Variants in TMEM132D observed in about 807,000 individuals in gnomAD.
The protein encoded by TMEM132D is mature OL transmembrane protein.
Under a neutral mutation model 62.3 loss-of-function variants are expected in TMEM132D, and 21 were observed. The ratio of observed to expected loss-of-function variants is 0.34; its 90% CI spans 0.24 to 0.49. The LOEUF (loss-of-function observed/expected upper bound fraction) is 0.49, where lower values mean the gene tolerates loss of function less well. Ranked by LOEUF, TMEM132D falls within the 20% of genes least tolerant of loss-of-function variation. The pLI is 0.99. For missense variants in TMEM132D, 1,346 were observed against 1,402.8 expected, an observed-to-expected ratio of 0.96 and a Z score of 0.65; for synonymous variants, 621 against 575.6, an observed-to-expected ratio of 1.08 and a Z score of -1.13.
At chr12:129,605,604 T>TACAC (rs1555221323) in intron 2 of TMEM132D, among the ~76,000 whole-genome samples, 21 of 106,260 alleles carry the variant, frequency 2.0e-4, no homozygotes, top group African/African-American at 6.2e-4. Flanking sequence ...TATATATATA[T>TACAC]ACACACACAT....
intron 3 of TMEM132D, among the ~76,000 whole-genome samples, chr12:129,451,050 C>T (rs958204005): frequency 2.6e-5 from 4 of 152,210 alleles, no homozygotes; most frequent in South Asian, 2.1e-4. Context: ...GCGTGAGCCA[C>T]CGCGCCCGGC....
At chr12:129,329,864 A>G (rs1869049167) in intron 4 of TMEM132D, among the ~76,000 whole-genome samples, 1 of 152,166 alleles carries the variant, frequency 6.6e-6, no homozygotes, top group Non-Finnish European at 1.5e-5. Context: ...TCTGAAGATG[A>G]GGGGAGAGTA....
intron 5 of TMEM132D, among the ~76,000 whole-genome samples, chr12:129,205,575 C>A (rs1878821759): frequency 1.3e-5 from 2 of 152,080 alleles, no homozygotes; most frequent in Admixed American, 1.3e-4. Context: ...TGGGAAACTT[C>A]AACATCCCAT....
chr12:129,720,686 C>G (rs1565961482), intron 1 of TMEM132D, among the ~76,000 whole-genome samples: 1 of 152,130 alleles, frequency 6.6e-6, no homozygotes, highest in Non-Finnish European at 1.5e-5. Flanking sequence ...ACACACCTCC[C>G]CAGTCATCGT....
chr12:129,290,391 C>A (rs563445166), intron 4 of TMEM132D, among the ~76,000 whole-genome samples: 1 of 152,040 alleles, frequency 6.6e-6, no homozygotes. Flanking sequence ...AACAGGTTAT[C>A]GAAGCATAAC....
At chr12:129,699,099 C>T (rs971521707) in intron 2 of TMEM132D, among the ~76,000 whole-genome samples, 2 of 152,154 alleles carry the variant, frequency 1.3e-5, no homozygotes, top group African/African-American at 2.4e-5. Context: ...AAAACTAAAA[C>T]TATATAATGA....
At chr12:129,200,277 T>C (rs1300118232) in intron 5 of TMEM132D, among the ~76,000 whole-genome samples, 1 of 152,128 alleles carries the variant, frequency 6.6e-6, no homozygotes, top group Non-Finnish European at 1.5e-5. Flanking sequence ...AAAGTGTCTA[T>C]TGGGAGGCCA....
intron 5 of TMEM132D, among the ~76,000 whole-genome samples, chr12:129,187,838 C>T (rs1233745609): frequency 1.3e-5 from 2 of 152,208 alleles, no homozygotes; most frequent in Non-Finnish European, 1.5e-5. Context: ...CTTACGAAGT[C>T]GTATAGTAAA....
chr12:129,298,982 A>C (rs527912012), intron 4 of TMEM132D, among the ~76,000 whole-genome samples: 2 of 152,322 alleles, frequency 1.3e-5, no homozygotes, highest in African/African-American at 4.8e-5. Context: ...TGTTCTATTA[A>C]GAACTTTGAT....
At chr12:129,125,959 T>G (rs575530109) in intron 5 of TMEM132D, among the ~76,000 whole-genome samples, 2 of 152,308 alleles carry the variant, frequency 1.3e-5, no homozygotes, top group Admixed American at 1.3e-4. Context: ...TTTCCTAATT[T>G]TCCTGCAAGT....
In TMEM132D at chr12:129,081,917, C is replaced by A. The variant is rs758174835; in HGVS notation, c.1765G>T (p.Gly589Cys). The A allele has an allele frequency of 3.1e-6, 5 of 1,614,000 alleles. No individual in the cohort carries two copies. The highest frequency in any genetic ancestry group is 4.2e-6 in the Non-Finnish European group (5 of 1,180,016). The change falls in exon 7 of 9, where the codon GGC becomes TGC. Residue 589 changes from glycine (G) to cysteine (C), a missense_variant. Gly to Cys is a radical substitution (Grantham distance 159). Transcript: ENST00000422113. ...AGGTGGGCCAGGTGTCCCCCAGGGC[C>A]GGCCGCCTCAGCCACAAACTGCGTC... ...VLTQFVAEAA[G>C]PGGHLAHLLG...
chr12:129,860,534 T>C (rs1188056663), intron 1 of TMEM132D, among the ~76,000 whole-genome samples: 1 of 152,250 alleles, frequency 6.6e-6, no homozygotes, highest in Non-Finnish European at 1.5e-5. Context: ...AAGCGTTCTT[T>C]TTCCCTGTGT....
rs1029700321 is a variant in TMEM132D at position 129,357,398 on chromosome 12, CGAAG to C, written c.1116-19585_1116-19582del. ...AGGAGGGAGGGAGGGAAGGAAGGAA[CGAAG>C]GAAGGAAGGAAGGAGAAAGAAAGAC... is the stretch of plus-strand genomic sequence containing the variant. On this transcript the variant is annotated intron_variant, in intron 3 of 8. Transcript: ENST00000422113. Among the ~76,000 whole-genome samples, 12 of 117,344 alleles carry C rather than the reference CGAAG, an allele frequency of 1.0e-4. 1 individual carries two copies. In the South Asian group the frequency reaches 1.3e-3, roughly 13 times the overall value. 77.0% of individuals were successfully genotyped at this position (117,344 alleles called of 152,430 possible).
intron 1 of TMEM132D, among the ~76,000 whole-genome samples, chr12:129,811,923 C>CCAGAGCCCACAGCT (rs1408985438): frequency 1.3e-5 from 2 of 151,702 alleles, no homozygotes; most frequent in East Asian, 3.9e-4. Flanking sequence ...CAGCTCTCCT[C>CCAGAGCCCACAGCT]CAGAGCCCAC....
chr12:129,768,340 T>A (rs960893484), intron 1 of TMEM132D, among the ~76,000 whole-genome samples: 5 of 152,162 alleles, frequency 3.3e-5, no homozygotes, highest in Non-Finnish European at 7.3e-5. Flanking sequence ...ATCAACATTA[T>A]GCAAGGTTTC....
chr12:129,788,186 GT>G (rs887849881), intron 1 of TMEM132D, among the ~76,000 whole-genome samples: 1 of 152,216 alleles, frequency 6.6e-6, no homozygotes, highest in African/African-American at 2.4e-5. Flanking sequence ...GAGTATTGTT[GT>G]TTTCTCTTTT....
At chr12:129,475,886 C>T (rs1874241857) in intron 3 of TMEM132D, among the ~76,000 whole-genome samples, 1 of 152,178 alleles carries the variant, frequency 6.6e-6, no homozygotes. Flanking sequence ...AATCTGACCT[C>T]GATTTAACCG....
In TMEM132D at chr12:129,073,040, C is replaced by T. The variant is rs775537412; in HGVS notation, c.*835G>A. The stretch of plus-strand genomic sequence containing the variant: ...CCCTCCCCCACCCACAGGTGACCAA[C>T]GGCTTTGGGGAGGATGGCAATGCAG... On this transcript the variant is annotated 3_prime_UTR_variant, in exon 9 of 9. Transcript: ENST00000422113. 2.6e-5 allele frequency: 4 copies of T among 152,206 alleles called. No individual in the cohort carries two copies. Among genetic ancestry groups the T allele is most frequent in the Non-Finnish European group, 5.9e-5 (4 of 68,052 alleles). The allele number at this position is 152,206 out of a possible 1,614,324, so 9.4% of individuals were successfully genotyped here. A position where few individuals can be genotyped will look rare whatever the true frequency, so the allele number is the denominator to read the frequency against.
At chr12:129,591,049 A>C (rs1480571459) in intron 2 of TMEM132D, among the ~76,000 whole-genome samples, 1 of 152,208 alleles carries the variant, frequency 6.6e-6, no homozygotes, top group East Asian at 1.9e-4. Context: ...AGACATCTGG[A>C]CATCTCAAGA....
Sources: gnomAD v4.1 joint callset for allele counts (sites outside exome capture counted in the v4.1 genomes callset) on GRCh38, gnomAD v4.1.1 for gene constraint, MANE v1.5 for transcripts, NCBI Gene and HGNC (gene_info 2026-07-23, HGNC 2026-07-21) for gene names.